TXNRD3: variants seen among roughly 807,000 people sequenced by gnomAD.
TXNRD3 encodes the protein thioredoxin reductase 3, also known as TXNRD3 neighbor gene protein.
TXNRD3 carries 68 observed loss-of-function variants against 78.2 expected under a neutral mutation model. The observed-to-expected ratio is 0.87, with a 90% CI of 0.72 to 1.06. The LOEUF is 1.06. TXNRD3 is among the 50% of genes least tolerant of loss of function. The probability of loss-of-function intolerance (pLI) is 0.00; values close to 1 mark genes in which losing one functional copy is unlikely to be tolerated. For synonymous variants in TXNRD3, 296 were observed against 300.1 expected (o/e 0.99, Z 0.14); for missense variants, 751 against 809.5 (o/e 0.93, Z 0.88).
chr3:126,631,031 T>C, intron 8 of TXNRD3, 94 bp from the exon 9 acceptor site: 1 of 1,241,986 alleles, frequency 8.1e-7, no homozygotes, highest in Non-Finnish European at 1.1e-6. Context: ...GATGACTGAA[T>C]TATAATTTAG....
intron 6 of TXNRD3, among the ~76,000 whole-genome samples, chr3:126,634,428 G>T (rs115454047): frequency 6.6e-6 from 1 of 152,276 alleles, no homozygotes; most frequent in African/African-American, 2.4e-5. Context: ...TGGGAAGAAG[G>T]CCTCAAGTCA....
chr3:126,616,011 T>C (rs888230342), intron 12 of TXNRD3, among the ~76,000 whole-genome samples: 28 of 152,136 alleles, frequency 1.8e-4, no homozygotes, highest in African/African-American at 6.3e-4. Flanking sequence ...GGGGTGCTAA[T>C]ACACCGCAGG....
chr3:126,614,606 CATT>C (rs918480907), intron 13 of TXNRD3, among the ~76,000 whole-genome samples: 5 of 152,070 alleles, frequency 3.3e-5, no homozygotes, highest in African/African-American at 1.2e-4. Context: ...TCTAAAATAA[CATT>C]ATAAAGTTTT....
At chr3:126,643,402 T>C (rs1409764500) in intron 5 of TXNRD3, among the ~76,000 whole-genome samples, 2 of 152,222 alleles carry the variant, frequency 1.3e-5, no homozygotes, top group African/African-American at 2.4e-5. Context: ...GGGCTGGTCA[T>C]TGGTCTCCTT....
rs529380893 is a variant in TXNRD3 at position 126,649,697 on chromosome 3, A to G, written c.244-2401T>C. On this transcript the variant is annotated intron_variant, in intron 1 of 15. Coordinates refer to ENST00000524230, the MANE Select transcript of TXNRD3 (RefSeq NM_052883.3). ...AGGAAATTCTCACACATGCTACAAC[A>G]TGGTTGAATGTTTAGGACATTACTC... Among the ~76,000 whole-genome samples, 59 of 152,252 alleles carry G rather than the reference A, an allele frequency of 3.9e-4. 1 individual carries two copies. The highest frequency in any genetic ancestry group is 7.5e-4 in the Non-Finnish European group (51 of 68,040).
At position 126,654,932 on chromosome 3, in the gene TXNRD3, C is replaced by T; in HGVS notation, c.59G>A (p.Arg20His). 1 of 1,295,286 alleles carries T rather than the reference C, an allele frequency of 7.7e-7. No homozygotes were observed. Among genetic ancestry groups the T allele is most frequent in the South Asian group, 2.5e-5 (1 of 40,434 alleles). The allele number at this position is 1,295,286 out of a possible 1,614,324, so 80.2% of individuals were successfully genotyped here. ...CGCCCCTCGGACATGGCCCGAGCGG[C>T]GGTTGGGGGCATCGCCCGCCTTTCC... is the stretch of plus-strand genomic sequence containing the variant. The change falls in exon 1 of 16, where the codon CGC becomes CAC. Residue 20 changes from arginine (R) to histidine (H), a missense_variant. Arg to His is a conservative substitution (Grantham distance 29). Coordinates refer to ENST00000524230, the MANE Select transcript of TXNRD3 (RefSeq NM_052883.3).
chr3:126,609,588 G>A (rs540969952), intron 14 of TXNRD3, among the ~76,000 whole-genome samples: 6 of 152,262 alleles, frequency 3.9e-5, no homozygotes, highest in South Asian at 2.1e-4. Context: ...TTTCCATTTC[G>A]TAAGTTCGAG....
At chr3:126,619,337 G>GAAA (rs766755468) in intron 12 of TXNRD3, among the ~76,000 whole-genome samples, 9 of 152,126 alleles carry the variant, frequency 5.9e-5, no homozygotes, top group Non-Finnish European at 8.8e-5. Context: ...AATGGATAAA[G>GAAA]AAAACGTAGT....
chr3:126,641,557 T>C (rs567852043), intron 6 of TXNRD3, among the ~76,000 whole-genome samples: 10 of 152,308 alleles, frequency 6.6e-5, no homozygotes, highest in Non-Finnish European at 1.2e-4. Context: ...CTTGTCTCTC[T>C]CCCACGGACT....
Position 126,644,041 on chromosome 3 carries a change from A to G in TXNRD3, c.532T>C (p.Leu178=), listed in dbSNP as rs3732532. ...TCTAGCACCATAACTTTCTTTCCCA[A>G]AATGGCAGCTTCCTACAAACGAACA... Residue 178 remains leucine, a synonymous_variant, in exon 5 of 16, where the codon TTG becomes CTG. Transcript: ENST00000524230. 3.5e-3 allele frequency: 5,320 copies of G among 1,536,008 alleles called. 171 individuals are homozygous for G. In the Admixed American group the frequency reaches 0.057, roughly 16 times the overall value.
rs2107611344 is a variant in TXNRD3, at chr3:126,616,341, T to C, written c.1525-879A>G. 2.6e-5 allele frequency among the ~76,000 whole-genome samples: 4 copies of C among 152,312 alleles called. No individual in the cohort carries two copies. In the South Asian group the frequency reaches 8.3e-4, roughly 32 times the overall value. On this transcript the variant is annotated intron_variant, in intron 12 of 15. Transcript: ENST00000524230. ...ACAGCACTGTATGTTCCCCAATCCC[T>C]GCCAATGGCCACAAGTGATTAGACT...
At chr3:126,650,250 T>G (rs138775180) in intron 1 of TXNRD3, among the ~76,000 whole-genome samples, 1 of 152,362 alleles carries the variant, frequency 6.6e-6, no homozygotes, top group Non-Finnish European at 1.5e-5. Context: ...TAGTTTCATA[T>G]GATGGCTAGA....
rs760015127 is a variant in TXNRD3 at position 126,642,032 on chromosome 3, CT to C, written c.711del (p.Val238Ter). On this transcript the variant is annotated frameshift_variant and splice_region_variant, in exon 6 of 16. Coordinates refer to ENST00000524230, the MANE Select transcript of TXNRD3 (RefSeq NM_052883.3). LOFTEE classifies it high-confidence loss of function. ...CTATACTTTATGAACCATTACTCAC[CT>C]TGTTGATTATATTCCCAGCCAAATT... 1.0e-5 allele frequency: 16 copies of C among 1,532,846 alleles called. No individual in the cohort carries two copies. In the East Asian group the frequency reaches 3.7e-4, roughly 35 times the overall value. 95.0% of individuals were successfully genotyped at this position (1,532,846 alleles called of 1,614,324 possible).
intron 10 of TXNRD3, among the ~76,000 whole-genome samples, chr3:126,627,258 G>A (rs1938599984): frequency 6.6e-6 from 1 of 152,198 alleles, no homozygotes; most frequent in African/African-American, 2.4e-5. Flanking sequence ...CAACATGGAT[G>A]AGTCCTAAAA....
At chr3:126,620,183 T>C (rs561421504) in intron 12 of TXNRD3, among the ~76,000 whole-genome samples, 1 of 151,140 alleles carries the variant, frequency 6.6e-6, no homozygotes, top group South Asian at 2.1e-4. Flanking sequence ...TAGTCCCAGC[T>C]ACCTGGGAGG....
intron 12 of TXNRD3, among the ~76,000 whole-genome samples, chr3:126,617,701 A>G (rs921808725): frequency 6.6e-6 from 1 of 152,262 alleles, no homozygotes; most frequent in African/African-American, 2.4e-5. Flanking sequence ...AGTCTTATTC[A>G]ACACAGTACT....
At position 126,647,240 on chromosome 3, in the gene TXNRD3, T is replaced by C; in HGVS notation, c.300A>G (p.Gln100=). 6.5e-7 allele frequency: 1 copy of C among 1,535,060 alleles called. No individual in the cohort carries two copies. Among genetic ancestry groups the C allele is most frequent in the Non-Finnish European group, 8.7e-7 (1 of 1,146,508 alleles). The stretch of plus-strand genomic sequence containing the variant: ...TGTTGTAACTGGTCTACTTACCAAC[T>C]TGATCAAGTTCCAAGACATTACATT... The change falls in exon 2 of 16, where the codon CAA becomes CAG. Residue 100 remains glutamine (Q), a synonymous_variant. Coordinates refer to ENST00000524230, the MANE Select transcript of TXNRD3 (RefSeq NM_052883.3).
Position 126,655,088 on chromosome 3 carries a change from C to G in TXNRD3, c.-98G>C. 1 of 1,298,688 alleles carries G rather than the reference C, an allele frequency of 7.7e-7. No individual in the cohort carries two copies. Among genetic ancestry groups the G allele is most frequent in the Non-Finnish European group, 9.8e-7 (1 of 1,023,240 alleles). 80.4% of individuals were successfully genotyped at this position (1,298,688 alleles called of 1,614,324 possible). A position where few individuals can be genotyped will look rare whatever the true frequency, so the allele number is the denominator to read the frequency against. The stretch of plus-strand genomic sequence containing the variant: ...GGGGCCTGAGGGGCGGCGAACGCTG[C>G]CCTCGCTGGCCACTCTCACCACCCG... On this transcript the variant is annotated 5_prime_UTR_variant, in exon 1 of 16. Coordinates refer to ENST00000524230, the MANE Select transcript of TXNRD3 (RefSeq NM_052883.3).
In TXNRD3 at chr3:126,644,052, T is replaced by A; in HGVS notation, c.521A>T (p.Glu174Val). 1 of 1,535,992 alleles carries A rather than the reference T, an allele frequency of 6.5e-7. No individual in the cohort carries two copies. Among genetic ancestry groups the A allele is most frequent in the Non-Finnish European group, 8.7e-7 (1 of 1,146,866 alleles). Reference sequence around the variant, plus strand: ...AACTTTCTTTCCCAAAATGGCAGCTTCCTACAAACGAACAACAACAAAAAT... The same window carrying A: ...AACTTTCTTTCCCAAAATGGCAGCTACCTACAAACGAACAACAACAAAAAT... Residue 174 changes from glutamate (E) to valine (V), a missense_variant and splice_region_variant, in exon 5 of 16, where the codon GAA becomes GTA. Transcript: ENST00000524230.
Sources: allele counts gnomAD v4.1 joint callset (sites outside exome capture counted in the v4.1 genomes callset), GRCh38; gene constraint gnomAD v4.1.1; transcripts MANE v1.5; gene names NCBI Gene and HGNC (gene_info 2026-07-23, HGNC 2026-07-21).